The following CADM2 variants were observed in gnomAD, a reference collection of about 807,000 sequenced individuals.
CADM2 encodes the protein immunoglobulin superfamily member 4D.
Under a neutral mutation model 49.8 loss-of-function variants are expected in CADM2, and 12 were observed. The observed-to-expected ratio is 0.24, with a 90% CI of 0.15 to 0.39. The LOEUF (loss-of-function observed/expected upper bound fraction) is 0.39. Ranked by LOEUF, CADM2 falls within the 10% of genes least tolerant of loss-of-function variation. The probability of loss-of-function intolerance (pLI) is 1.00; values close to 1 mark genes in which losing one functional copy is unlikely to be tolerated. For synonymous variants in CADM2, 214 were observed against 175.4 expected, an observed-to-expected ratio of 1.22 and a Z score of -1.74; for missense variants, 378 against 492.3, an observed-to-expected ratio of 0.77 and a Z score of 2.20.
At chr3:85,988,879 G>C (rs1224062200) in intron 8 of CADM2, among the ~76,000 whole-genome samples, 10 of 152,082 alleles carry the variant, frequency 6.6e-5, no homozygotes, top group Non-Finnish European at 1.3e-4. Flanking sequence ...GTGTTTACAT[G>C]GGCAAAAGAG....
chr3:84,980,553 GATA>G (rs775778548), intron 1 of CADM2, among the ~76,000 whole-genome samples: 5 of 152,096 alleles, frequency 3.3e-5, no homozygotes, highest in Admixed American at 6.6e-5. Context: ...TTCCTGGCAA[GATA>G]ATAATAAGAA....
At chr3:85,757,540 T>C (rs532327272) in intron 2 of CADM2, among the ~76,000 whole-genome samples, 73 of 152,042 alleles carry the variant, frequency 4.8e-4, no homozygotes, top group Non-Finnish European at 9.9e-4. Flanking sequence ...AGATGGAGCA[T>C]TTAAAAAAAA....
At chr3:85,849,809 G>T (rs1381574286) in intron 3 of CADM2, among the ~76,000 whole-genome samples, 1 of 152,132 alleles carries the variant, frequency 6.6e-6, no homozygotes, top group Non-Finnish European at 1.5e-5. Flanking sequence ...GTAAATGCTA[G>T]ATTTAAAAGT....
chr3:85,007,032 A>G (rs921248542), intron 1 of CADM2, among the ~76,000 whole-genome samples: 1 of 152,134 alleles, frequency 6.6e-6, no homozygotes, highest in African/African-American at 2.4e-5. Context: ...ATATATTTAC[A>G]GTGTATTTAG....
In CADM2 at chr3:85,630,643, C is replaced by T. The variant is rs141839890; in HGVS notation, c.62-95879C>T. On this transcript the variant is annotated intron_variant, in intron 1 of 9. Transcript: ENST00000383699. ...ATTCTTATACAGTCCCAAGATCATACTTTGAAAAGCTCTACATTAGGAGAA... is the reference window on the plus strand; with the variant it reads ...ATTCTTATACAGTCCCAAGATCATATTTTGAAAAGCTCTACATTAGGAGAA... Among the ~76,000 whole-genome samples, 846 of 152,104 alleles carry T rather than the reference C, an allele frequency of 5.6e-3. 1 individual carries two copies. The highest frequency in any genetic ancestry group is 0.017 in the Middle Eastern group (5 of 292).
chr3:86,048,482 A>G (rs1387934685), intron 8 of CADM2, among the ~76,000 whole-genome samples: 1 of 152,012 alleles, frequency 6.6e-6, no homozygotes, highest in Non-Finnish European at 1.5e-5. Context: ...AATGATATTA[A>G]TGGCTATTAC....
intron 1 of CADM2, among the ~76,000 whole-genome samples, chr3:85,003,687 A>T (rs1319286183): frequency 6.6e-6 from 1 of 152,182 alleles, no homozygotes; most frequent in Non-Finnish European, 1.5e-5. Flanking sequence ...GCAATAAGAA[A>T]GGATTCCCAG....
intron 1 of CADM2, among the ~76,000 whole-genome samples, chr3:85,719,269 T>G (rs2107761524): frequency 6.6e-6 from 1 of 152,298 alleles, no homozygotes; most frequent in Non-Finnish European, 1.5e-5. Context: ...TAGCCAACGC[T>G]GAACTATTTT....
At chr3:85,912,585 A>G in intron 6 of CADM2, 42 bp downstream of exon 6, 3 of 1,552,166 alleles carry the variant, frequency 1.9e-6, no homozygotes, top group Non-Finnish European at 2.6e-6. Flanking sequence ...TCAGCAGCAA[A>G]TCTCTTCATC....
At chr3:85,855,621 C>T (rs113608168) in intron 3 of CADM2, among the ~76,000 whole-genome samples, 2,294 of 50,774 alleles carry the variant, frequency 0.045, 95 homozygotes, top group Non-Finnish European at 0.074. Flanking sequence ...ATATATAAAA[C>T]ATATATATAT....
intron 1 of CADM2, among the ~76,000 whole-genome samples, chr3:85,433,107 T>C (rs2036760764): frequency 6.7e-6 from 1 of 150,216 alleles, no homozygotes; most frequent in Admixed American, 6.8e-5. Context: ...GATCATGGGT[T>C]AAAAGAAAAA....
At chr3:86,035,487 T>C (rs1197469215) in intron 8 of CADM2, among the ~76,000 whole-genome samples, 1 of 152,042 alleles carries the variant, frequency 6.6e-6, no homozygotes, top group African/African-American at 2.4e-5. Flanking sequence ...CAAATAAAGA[T>C]TAAAAAAACT....
rs551869994 is a variant in CADM2, at chr3:84,966,925, C to T, written c.61+7257C>T. On this transcript the variant is annotated intron_variant, in intron 1 of 9. Coordinates refer to ENST00000383699, the MANE Select transcript of CADM2 (RefSeq NM_001167675.2). ...TGCTTAGAAAATAAAAATAAGCATACTTTTGCTTTCAGAAAAAAAAATCTC... is the reference window on the plus strand; with the variant it reads ...TGCTTAGAAAATAAAAATAAGCATATTTTTGCTTTCAGAAAAAAAAATCTC... Among the ~76,000 whole-genome samples, 426 of 151,970 alleles carry T rather than the reference C, an allele frequency of 2.8e-3. 2 individuals are homozygous for T. The highest frequency in any genetic ancestry group is 3.1e-3 in the Non-Finnish European group (210 of 67,888).
At chr3:86,013,286 T>G (rs1334279758) in intron 8 of CADM2, 70 of 1,528,768 alleles carry the variant, frequency 4.6e-5, no homozygotes, top group Non-Finnish European at 6.0e-5. Flanking sequence ...AAGGGCAAGA[T>G]GAGGACATTT....
chr3:85,471,161 G>A (rs1408581463), intron 1 of CADM2, among the ~76,000 whole-genome samples: 1 of 152,038 alleles, frequency 6.6e-6, no homozygotes, highest in Non-Finnish European at 1.5e-5. Context: ...CAAGATGTAG[G>A]GGTGGCTCAG....
intron 1 of CADM2, among the ~76,000 whole-genome samples, chr3:85,353,651 G>A (rs998672525): frequency 8.6e-5 from 13 of 151,040 alleles, no homozygotes; most frequent in Non-Finnish European, 1.8e-4. Context: ...AACCACTCAT[G>A]TGGTTACATA....
At chr3:85,131,979 T>TCA (rs1326921937) in intron 1 of CADM2, among the ~76,000 whole-genome samples, 7 of 152,088 alleles carry the variant, frequency 4.6e-5, no homozygotes, top group Non-Finnish European at 7.4e-5. Flanking sequence ...AGAACAAAGT[T>TCA]TGAAGATGAT....
intron 1 of CADM2, among the ~76,000 whole-genome samples, chr3:85,548,833 G>A (rs1022929134): frequency 4.6e-5 from 7 of 152,156 alleles, no homozygotes; most frequent in Non-Finnish European, 8.8e-5. Flanking sequence ...ATGTGAACAC[G>A]AAGGAGAAAG....
chr3:85,319,145 A>T (rs1334395975), intron 1 of CADM2, among the ~76,000 whole-genome samples: 1 of 152,216 alleles, frequency 6.6e-6, no homozygotes, highest in East Asian at 1.9e-4. Context: ...AGAAGTTCTG[A>T]TAATAAATCA....
Sources: gnomAD v4.1 joint callset for allele counts (sites outside exome capture counted in the v4.1 genomes callset) on GRCh38, gnomAD v4.1.1 for gene constraint, MANE v1.5 for transcripts, NCBI Gene and HGNC (gene_info 2026-07-23, HGNC 2026-07-21) for gene names.